The following COL12A1 variants were observed in gnomAD, a reference collection of about 807,000 sequenced individuals.
COL12A1 encodes the protein collagen type XII alpha 1 chain.
A neutral mutation model predicts 349.7 loss-of-function variants in COL12A1; 114 were observed. The observed-to-expected ratio is 0.33, with a 90% CI of 0.28 to 0.38. The LOEUF is 0.38. Ranked by LOEUF, COL12A1 falls within the 10% of genes least tolerant of loss-of-function variation. The pLI, the probability that COL12A1 is intolerant of heterozygous loss-of-function variation, is 1.00. For missense variants in COL12A1, 3,284 were observed against 3,756.9 expected, an observed-to-expected ratio of 0.87 and a Z score of 3.29; for synonymous variants, 1,369 against 1,329.0, an observed-to-expected ratio of 1.03 and a Z score of -0.66.
At chr6:75,095,623 C>CAAAAAAAA (rs58205028) in intron 59 of COL12A1, among the ~76,000 whole-genome samples, 2 of 102,092 alleles carry the variant, frequency 2.0e-5, no homozygotes, top group African/African-American at 4.0e-5. Context: ...GACTCCGTCT[C>CAAAAAAAA]AAAAAAAAAA....
intron 51 of COL12A1, among the ~76,000 whole-genome samples, chr6:75,110,314 T>G (rs1768770307): frequency 6.6e-6 from 1 of 152,066 alleles, no homozygotes. Context: ...ATTTCAAAAT[T>G]TTTAATTTGT....
Position 75,175,121 on chromosome 6 carries a change from C to T in COL12A1, c.2627G>A (p.Gly876Glu). 1 of 1,614,124 alleles carries T rather than the reference C, an allele frequency of 6.2e-7. No homozygotes were observed. Among genetic ancestry groups the T allele is most frequent in the Non-Finnish European group, 8.5e-7 (1 of 1,180,028 alleles). ...TNTVLQGLKE[G>E]TQYALSVTAL... ...TGTCACAGATAAGGCGTATTGTGTC[C>T]CTTCCTTCAATCCCTGCAGCACCGT... The change falls in exon 13 of 66, where the codon GGG (glycine) becomes GAG (glutamate). Residue 876 changes from glycine (G) to glutamate (E), a missense_variant. Transcript: ENST00000322507.
intron 54 of COL12A1, among the ~76,000 whole-genome samples, chr6:75,104,920 T>C (rs988448498): frequency 1.3e-5 from 2 of 152,184 alleles, no homozygotes; most frequent in African/African-American, 4.8e-5. Context: ...TAATTACAGA[T>C]GGAAATCCAG....
intron 12 of COL12A1, among the ~76,000 whole-genome samples, chr6:75,175,919 G>T (rs1351729694): frequency 6.6e-6 from 1 of 152,184 alleles, no homozygotes; most frequent in Admixed American, 6.5e-5. Context: ...TTTGTAGATT[G>T]GTCATGTCCT....
chr6:75,138,798 A>AGAAAGACAGACAT, intron 28 of COL12A1, 24 bp downstream of exon 28: 1 of 1,612,606 alleles, frequency 6.2e-7, no homozygotes, highest in Non-Finnish European at 8.5e-7. Context: ...AAAGACAGAG[A>AGAAAGACAGACAT]GAAAGATAAA....
At position 75,134,785 on chromosome 6, in the gene COL12A1, G is replaced by T; in HGVS notation, c.5465C>A (p.Thr1822Asn). Reference sequence around the variant, plus strand: ...ACCATCAGGATACAGAGAGGATACGGTGATAGTGTAAGGAGTGTCTGGCTT... The same window carrying T: ...ACCATCAGGATACAGAGAGGATACGTTGATAGTGTAAGGAGTGTCTGGCTT... ...KLKPDTPYTI[T>N]VSSLYPDGEG... The change falls in exon 32 of 66, where the codon ACC (threonine) becomes AAC (asparagine). Residue 1822 changes from threonine (T) to asparagine (N), a missense_variant. Around this residue, in one of 2 missense-constraint regions of COL12A1, gnomAD observed 2,601 missense variants for 2,824.8 expected, o/e 0.92. Transcript: ENST00000322507. 2 of 1,613,292 alleles carry T rather than the reference G, an allele frequency of 1.2e-6. No individual in the cohort carries two copies. Among genetic ancestry groups the T allele is most frequent in the South Asian group, 2.2e-5 (2 of 90,976 alleles).
rs1769467490 is a variant in COL12A1, at chr6:75,183,890, T to C, written c.1252A>G (p.Ile418Val). 5 of 1,614,106 alleles carry C rather than the reference T, an allele frequency of 3.1e-6. No individual in the cohort carries two copies. Among genetic ancestry groups the C allele is most frequent in the African/African-American group, 1.3e-5 (1 of 74,942 alleles). The change falls in exon 9 of 66, where the codon ATA becomes GTA. Residue 418 changes from isoleucine (I) to valine (V), a missense_variant. Ile to Val is a conservative substitution (Grantham distance 29, BLOSUM62 3). This residue lies in a region of COL12A1 where 2,601 missense variants were observed against 2,824.8 expected (regional missense o/e 0.92). Coordinates refer to ENST00000322507, the MANE Select transcript of COL12A1 (RefSeq NM_004370.6). ...KGMTSSEPIS[I>V]MEKTQPMKVQ... ...TTCATTGGCTGAGTCTTCTCCATTA[T>C]TGAAATGGGTTCACTGGATGTCATT...
intron 52 of COL12A1, among the ~76,000 whole-genome samples, chr6:75,108,707 T>C (rs1768685743): frequency 6.6e-6 from 1 of 152,202 alleles, no homozygotes; most frequent in Non-Finnish European, 1.5e-5. Flanking sequence ...CTATTTTCTA[T>C]TTCACTGGGT....
In COL12A1 at chr6:75,127,150, T is replaced by TA. The variant is rs1246545218; in HGVS notation, c.6341-681dup. ...CTTCCTGGAAAATCCAAGATCTAGT[T>TA]AAAAAAAATCCACTTTGATAGCATG... On this transcript the variant is annotated intron_variant, in intron 38 of 65. Coordinates refer to ENST00000322507, the MANE Select transcript of COL12A1 (RefSeq NM_004370.6). Among the ~76,000 whole-genome samples, 27 of 152,070 alleles carry TA rather than the reference T, an allele frequency of 1.8e-4. 1 individual carries two copies. In the East Asian group the frequency reaches 3.5e-3, roughly 20 times the overall value.
At chr6:75,187,713 G>A (rs142639586) in intron 8 of COL12A1, among the ~76,000 whole-genome samples, 1 of 152,158 alleles carries the variant, frequency 6.6e-6, no homozygotes, top group Non-Finnish European at 1.5e-5. Flanking sequence ...ATCACTTATC[G>A]ATTCTCAAGC....
At chr6:75,195,462 G>A (rs1025003487) in intron 2 of COL12A1, among the ~76,000 whole-genome samples, 18 of 152,032 alleles carry the variant, frequency 1.2e-4, no homozygotes, top group African/African-American at 4.1e-4. Context: ...TGCATTATTT[G>A]CCTTGTAATT....
In COL12A1 at chr6:75,189,710, A is replaced by G. The variant is rs1582209446; in HGVS notation, c.500T>C (p.Val167Ala). 6.2e-7 allele frequency: 1 copy of G among 1,613,482 alleles called. No individual in the cohort carries two copies. The highest frequency in any genetic ancestry group is 1.1e-5 in the South Asian group (1 of 91,068). The change falls in exon 6 of 66, where the codon GTG becomes GCG. Residue 167 changes from valine (V) to alanine (A), a missense_variant. Transcript: ENST00000322507. The part of the protein sequence containing the change: ...KYILDFIAAL[V>A]SAFDIGEEKT... Reference sequence around the variant, plus strand: ...CTCTTCCCCAATGTCAAAAGCAGACACAAGAGCAGCAATGAAGTCTAAAAT... The same window carrying G: ...CTCTTCCCCAATGTCAAAAGCAGACGCAAGAGCAGCAATGAAGTCTAAAAT...
intron 43 of COL12A1, 62 bp from the exon 44 acceptor site, chr6:75,121,503 C>T (rs1460316061): frequency 2.8e-6 from 4 of 1,452,858 alleles, no homozygotes; most frequent in Non-Finnish European, 3.7e-6. Context: ...TAAATGAAAT[C>T]ACATAATTGA....
chr6:75,119,577 A>G, intron 44 of COL12A1, 104 bp from the exon 45 acceptor site: 1 of 1,328,106 alleles, frequency 7.5e-7, no homozygotes, highest in Non-Finnish European at 1.0e-6. Flanking sequence ...GGGTGTAAAA[A>G]GTATCTCAGA....
At chr6:75,194,170 T>C (rs935932419) in intron 3 of COL12A1, among the ~76,000 whole-genome samples, 2 of 152,190 alleles carry the variant, frequency 1.3e-5, no homozygotes, top group Non-Finnish European at 2.9e-5. Flanking sequence ...TCCACAATGG[T>C]TGAACTAGTT....
At chr6:75,106,612 A>T in intron 52 of COL12A1, 116 bp from the exon 53 acceptor site, 1 of 802,714 alleles carries the variant, frequency 1.2e-6, no homozygotes, top group Non-Finnish European at 2.1e-6. Context: ...GGTGTGAGCC[A>T]TTGAGAGCAA....
intron 14 of COL12A1, among the ~76,000 whole-genome samples, chr6:75,159,294 T>A (rs868464184): frequency 6.6e-6 from 1 of 150,764 alleles, no homozygotes; most frequent in South Asian, 2.1e-4. Flanking sequence ...TTAAAGAAAC[T>A]AAGAGAACTC....
At chr6:75,151,094 C>CAA in intron 21 of COL12A1, 47 bp downstream of exon 21, 1 of 855,574 alleles carries the variant, frequency 1.2e-6, no homozygotes, top group Non-Finnish European at 1.6e-6. Context: ...TTATTTGGCC[C>CAA]AAAATACCAG....
chr6:75,131,540 C>T (rs562608559), intron 35 of COL12A1, among the ~76,000 whole-genome samples: 1 of 152,312 alleles, frequency 6.6e-6, no homozygotes, highest in African/African-American at 2.4e-5. Flanking sequence ...TATTCTGATA[C>T]TATGCTTATT....
Sources: gnomAD v4.1 joint callset for allele counts (sites outside exome capture counted in the v4.1 genomes callset) on GRCh38, gnomAD v4.1.1 for gene constraint, gnomAD v4.1.1 regional missense constraint, MANE v1.5 for transcripts, NCBI Gene and HGNC (gene_info 2026-07-23, HGNC 2026-07-21) for gene names.